KANSL1: variants seen among roughly 807,000 people sequenced by gnomAD.
The protein encoded by KANSL1 is MLL1/MLL complex subunit KANSL1.
KANSL1 carries 22 observed loss-of-function variants against 103.6 expected under a neutral mutation model. The ratio of observed to expected loss-of-function variants is 0.21; its 90% CI spans 0.15 to 0.30. The LOEUF is 0.30. Ranked by LOEUF, KANSL1 falls within the 10% of genes least tolerant of loss-of-function variation. The probability of loss-of-function intolerance (pLI) is 1.00; values close to 1 mark genes in which losing one functional copy is unlikely to be tolerated. For synonymous variants in KANSL1, 600 were observed against 527.6 expected (o/e 1.14, Z -1.88); for missense variants, 1,337 against 1,399.8 (o/e 0.96, Z 0.72).
At chr17:46,219,870 G>A (rs112000727) in intron 1 of KANSL1, among the ~76,000 whole-genome samples, 8,905 of 150,834 alleles carry the variant, frequency 0.059, no homozygotes, top group Non-Finnish European at 0.089. Flanking sequence ...TTGGGAGGCC[G>A]AGTTGGGCGG....
intron 6 of KANSL1, among the ~76,000 whole-genome samples, chr17:46,056,500 T>TA (rs1568395889): frequency 6.6e-6 from 1 of 152,242 alleles, no homozygotes; most frequent in Non-Finnish European, 1.5e-5. Flanking sequence ...GAGTACCTGA[T>TA]AGAGTTGTTT....
At chr17:46,075,621 G>A (rs904154143) in intron 4 of KANSL1, among the ~76,000 whole-genome samples, 6 of 152,106 alleles carry the variant, frequency 3.9e-5, no homozygotes, top group East Asian at 1.9e-4. Context: ...TTAGGTCACC[G>A]TGCCCAGCCT....
At chr17:46,063,053 G>GA (rs994382161) in intron 6 of KANSL1, among the ~76,000 whole-genome samples, 4 of 152,136 alleles carry the variant, frequency 2.6e-5, no homozygotes, top group African/African-American at 9.6e-5. Flanking sequence ...CCATCTCAAA[G>GA]AAAAAACAAA....
intron 4 of KANSL1, among the ~76,000 whole-genome samples, chr17:46,080,169 C>T (rs928498128): frequency 1.3e-5 from 2 of 151,644 alleles, no homozygotes; most frequent in African/African-American, 4.8e-5. Context: ...ACAGAAAATA[C>T]CTCTGACATT....
Position 46,099,037 on chromosome 17 carries a change from C to T in KANSL1, c.1290-4336G>A, listed in dbSNP as rs536057493. 1.4e-5 allele frequency among the ~76,000 whole-genome samples: 2 copies of T among 147,378 alleles called. 1 individual carries two copies. The highest frequency in any genetic ancestry group is 3.1e-5 in the Non-Finnish European group (2 of 64,616). The stretch of plus-strand genomic sequence containing the variant: ...CACATCTTTTGTTCCTTAACAAATA[C>T]AAGCGGCCGGGCGCGGTGGCTCACG... On this transcript the variant is annotated intron_variant, in intron 2 of 14. Transcript: ENST00000432791.
At chr17:46,094,883 C>T (rs2041996125) in intron 2 of KANSL1, among the ~76,000 whole-genome samples, 182 bp from the exon 3 acceptor site, 1 of 152,184 alleles carries the variant, frequency 6.6e-6, no homozygotes, top group African/African-American at 2.4e-5. Context: ...TATAAACTTC[C>T]AAATAGGTAT....
chr17:46,143,570 C>T (rs756368295), intron 2 of KANSL1, among the ~76,000 whole-genome samples: 7 of 151,952 alleles, frequency 4.6e-5, no homozygotes, highest in Non-Finnish European at 7.4e-5. Context: ...TTTGGGAGGC[C>T]GAGACGGGTA....
intron 13 of KANSL1, among the ~76,000 whole-genome samples, chr17:46,032,727 C>A (rs1202111801): frequency 6.6e-6 from 1 of 152,156 alleles, no homozygotes; most frequent in Non-Finnish European, 1.5e-5. Context: ...AGTGGCATCA[C>A]AAAGCCACTG....
At chr17:46,188,468 TA>T (rs2147890365) in intron 1 of KANSL1, among the ~76,000 whole-genome samples, 1 of 152,356 alleles carries the variant, frequency 6.6e-6, no homozygotes, top group African/African-American at 2.4e-5. Context: ...AAAAAAGTCT[TA>T]AAACAGACTT....
At chr17:46,066,499 T>C (rs778366831) in intron 6 of KANSL1, 38 bp downstream of exon 6, 8 of 1,528,252 alleles carry the variant, frequency 5.2e-6, no homozygotes, top group Non-Finnish European at 7.1e-6. Flanking sequence ...AGCATCTGGC[T>C]CACTGCTTGA....
In KANSL1 at chr17:46,071,074, T is replaced by C. The variant is rs916498251; in HGVS notation, c.1534-3407A>G. Among the ~76,000 whole-genome samples, 5 of 152,254 alleles carry C rather than the reference T, an allele frequency of 3.3e-5. No homozygotes were observed. The South Asian group carries it at 6.2e-4, about 19-fold the overall frequency. ...CTATAACAGCCTGTCTTGTTTCTCA[T>C]GTCTGCAGGTGTATATATTTAAATG... is the stretch of plus-strand genomic sequence containing the variant. On this transcript the variant is annotated intron_variant, in intron 4 of 14. Coordinates refer to ENST00000432791, the MANE Select transcript of KANSL1 (RefSeq NM_015443.4).
chr17:46,049,919 CTTT>C (rs66515942), intron 7 of KANSL1: 4 of 146,354 alleles, frequency 2.7e-5, no homozygotes, highest in Non-Finnish European at 3.0e-5. Context: ...ACAGACAAAA[CTTT>C]TTTTTTTTTT....
intron 2 of KANSL1, among the ~76,000 whole-genome samples, chr17:46,153,692 G>GA (rs1395964064): frequency 1.3e-5 from 2 of 152,150 alleles, no homozygotes; most frequent in African/African-American, 2.4e-5. Context: ...TATCAAACCA[G>GA]AAAAAGTCTG....
intron 4 of KANSL1, among the ~76,000 whole-genome samples, chr17:46,078,100 T>C (rs778101341): frequency 5.9e-5 from 9 of 152,238 alleles, no homozygotes; most frequent in Non-Finnish European, 7.3e-5. Context: ...GGCATACTAC[T>C]ACTACCTGGT....
chr17:46,088,677 C>G (rs2079258034), intron 3 of KANSL1: 1 of 152,454 alleles, frequency 6.6e-6, no homozygotes, highest in Non-Finnish European at 1.5e-5. Flanking sequence ...AGTTTGAGAC[C>G]AGCCTGGACA....
intron 2 of KANSL1, among the ~76,000 whole-genome samples, chr17:46,148,883 G>T (rs2044893332): frequency 2.1e-5 from 3 of 145,512 alleles, no homozygotes; most frequent in Admixed American, 1.4e-4. Context: ...ACCGTACCTG[G>T]CCTGTTGCTT....
rs900022567 is a variant in KANSL1, at chr17:46,039,445, G to T, written c.2204-230C>A. ...ATACAGAAGACACCTGCCCGTAGATGAACTCAATGCCATGCCATTGCTGGC... is the reference window on the plus strand; with the variant it reads ...ATACAGAAGACACCTGCCCGTAGATTAACTCAATGCCATGCCATTGCTGGC... On this transcript the variant is annotated intron_variant, in intron 8 of 14. Transcript: ENST00000432791. 3 of 602,740 alleles carry T rather than the reference G, an allele frequency of 5.0e-6. No homozygotes were observed. The South Asian group carries it at 6.8e-5, about 14-fold the overall frequency. 37.3% of individuals were successfully genotyped at this position (602,740 alleles called of 1,614,324 possible). A position where few individuals can be genotyped will look rare whatever the true frequency, so the allele number is the denominator to read the frequency against.
At chr17:46,104,206 G>A (rs1238076701) in intron 2 of KANSL1, among the ~76,000 whole-genome samples, 5 of 151,908 alleles carry the variant, frequency 3.3e-5, no homozygotes, top group African/African-American at 7.3e-5. Context: ...TTCAATACCC[G>A]TCAGTCAGAT....
At chr17:46,071,247 G>A (rs62060809) in intron 4 of KANSL1, among the ~76,000 whole-genome samples, 21,788 of 152,116 alleles carry the variant, frequency 0.14, 2,129 homozygotes, top group Non-Finnish European at 0.22. Context: ...GTATACAGAG[G>A]TCAAGAGCAT....
Sources: allele counts gnomAD v4.1 joint callset (sites outside exome capture counted in the v4.1 genomes callset), GRCh38; gene constraint gnomAD v4.1.1; transcripts MANE v1.5; gene names NCBI Gene and HGNC (gene_info 2026-07-23, HGNC 2026-07-21).